TMEM132B: variants seen among roughly 807,000 people sequenced by gnomAD.
The protein encoded by TMEM132B is transmembrane protein 132B.
A neutral mutation model predicts 90.8 loss-of-function variants in TMEM132B; 18 were observed. The ratio of observed to expected loss-of-function variants is 0.20; its 90% CI spans 0.14 to 0.29. The LOEUF is 0.29. TMEM132B is among the 10% of genes least tolerant of loss of function. The probability of loss-of-function intolerance (pLI) is 1.00; values close to 1 mark genes in which losing one functional copy is unlikely to be tolerated. For missense variants in TMEM132B, 1,096 were observed against 1,326.8 expected, an observed-to-expected ratio of 0.83 and a Z score of 2.70; for synonymous variants, 504 against 523.3, an observed-to-expected ratio of 0.96 and a Z score of 0.50.
At chr12:125,295,328 G>A (rs1172310946) in intron 1 of TMEM132B, among the ~76,000 whole-genome samples, 1 of 152,182 alleles carries the variant, frequency 6.6e-6, no homozygotes, top group African/African-American at 2.4e-5. Flanking sequence ...TCGAGGGAAG[G>A]TCTGTGAGCG....
chr12:125,652,434 T>G lies in TMEM132B; in HGVS notation c.1915-7T>G. The stretch of plus-strand genomic sequence containing the variant: ...GAGATGCATGAGTCTCCTCGCTGAC[T>G]TTTCAGGTCCTCTCGCCGTTGTCTG... On this transcript the variant is annotated splice_region_variant and splice_polypyrimidine_tract_variant and intron_variant, in intron 7 of 8. Transcript: ENST00000682704. The G allele has an allele frequency of 6.3e-7, 1 of 1,588,890 alleles. No individual in the cohort carries two copies. Among genetic ancestry groups the G allele is most frequent in the Middle Eastern group, 1.8e-4 (1 of 5,532 alleles).
chr12:125,348,369 C>T (rs1314551863), intron 1 of TMEM132B, among the ~76,000 whole-genome samples: 2 of 152,154 alleles, frequency 1.3e-5, no homozygotes, highest in Non-Finnish European at 1.5e-5. Context: ...TTCTGTCGCC[C>T]AGATTGGAGT....
chr12:125,449,127 C>T (rs867114174), intron 3 of TMEM132B, among the ~76,000 whole-genome samples: 26 of 152,058 alleles, frequency 1.7e-4, no homozygotes, highest in Non-Finnish European at 2.2e-4. Flanking sequence ...CCATCATGCC[C>T]GGCTAAATTT....
chr12:125,540,220 C>T (rs1485739504), intron 4 of TMEM132B, among the ~76,000 whole-genome samples: 1 of 152,062 alleles, frequency 6.6e-6, no homozygotes, highest in Non-Finnish European at 1.5e-5. Context: ...TTAAGACTAG[C>T]TTTATGGTGT....
At chr12:125,623,989 G>C (rs1357420385) in intron 5 of TMEM132B, among the ~76,000 whole-genome samples, 2 of 152,220 alleles carry the variant, frequency 1.3e-5, no homozygotes. Context: ...TGTTGAATGA[G>C]ATGGAAAGAG....
At chr12:125,373,115 G>C (rs562476520) in intron 2 of TMEM132B, among the ~76,000 whole-genome samples, 1 of 152,318 alleles carries the variant, frequency 6.6e-6, no homozygotes, top group African/African-American at 2.4e-5. Flanking sequence ...TTTGTCATCT[G>C]TTTCCCCCAC....
intron 4 of TMEM132B, among the ~76,000 whole-genome samples, chr12:125,576,988 G>A (rs1884956688): frequency 6.7e-6 from 1 of 150,198 alleles, no homozygotes; most frequent in Non-Finnish European, 1.5e-5. Flanking sequence ...TTAAATTAGG[G>A]TAATACTGGC....
chr12:125,461,799 C>A (rs535378124), intron 3 of TMEM132B, among the ~76,000 whole-genome samples: 2 of 152,226 alleles, frequency 1.3e-5, no homozygotes, highest in Non-Finnish European at 2.9e-5. Context: ...CCGGCGCTGC[C>A]AGGCCACCCT....
rs1053653271 is a variant in TMEM132B, at chr12:125,189,525, G to T, written c.67+2659G>T. Among the ~76,000 whole-genome samples, 3 of 126,016 alleles carry T rather than the reference G, an allele frequency of 2.4e-5. No homozygotes were observed. The South Asian group carries it at 7.4e-4, about 31-fold the overall frequency. The allele number at this position is 126,016 out of a possible 152,430, so 82.7% of individuals were successfully genotyped here. ...GTGGTATATTTCTCATTACAATAGTGATGGGGGGGGTGCCTGTGTGTGGCG... is the reference window on the plus strand; with the variant it reads ...GTGGTATATTTCTCATTACAATAGTTATGGGGGGGGTGCCTGTGTGTGGCG... On this transcript the variant is annotated intron_variant, in intron 1 of 8. Transcript: ENST00000682704.
At chr12:125,525,355 T>C (rs1396434608) in intron 4 of TMEM132B, among the ~76,000 whole-genome samples, 1 of 152,212 alleles carries the variant, frequency 6.6e-6, no homozygotes, top group East Asian at 1.9e-4. Flanking sequence ...TGAGGCCTTT[T>C]GGAAAGTGAT....
chr12:125,574,555 T>C (rs993442034), intron 4 of TMEM132B, among the ~76,000 whole-genome samples: 4 of 152,120 alleles, frequency 2.6e-5, no homozygotes, highest in Non-Finnish European at 5.9e-5. Context: ...AACAGAACTA[T>C]TGTCACGTAA....
chr12:125,280,046 G>C (rs991336667), intron 1 of TMEM132B, among the ~76,000 whole-genome samples: 1 of 152,124 alleles, frequency 6.6e-6, no homozygotes, highest in Non-Finnish European at 1.5e-5. Flanking sequence ...ACAGAGAGAG[G>C]AAGTGACCTG....
Position 125,212,392 on chromosome 12 carries a change from G to A in TMEM132B, c.67+25526G>A, listed in dbSNP as rs113190748. On this transcript the variant is annotated intron_variant, in intron 1 of 8. Coordinates refer to ENST00000682704, the MANE Select transcript of TMEM132B (RefSeq NM_001366854.1). The stretch of plus-strand genomic sequence containing the variant: ...GGGTCTTGCTATATTGCACAGTCTG[G>A]TCTCAAATTCCTGGGCTTGGCCGGG... Among the ~76,000 whole-genome samples the A allele has an allele frequency of 5.3e-5, 8 of 151,944 alleles. 1 individual carries two copies. The highest frequency in any genetic ancestry group is 2.0e-4 in the Admixed American group (3 of 15,248).
intron 1 of TMEM132B, among the ~76,000 whole-genome samples, chr12:125,298,114 G>A (rs944297342): frequency 6.6e-6 from 1 of 152,066 alleles, no homozygotes; most frequent in East Asian, 1.9e-4. Flanking sequence ...AAATCAGTTG[G>A]GCAAGGTGGC....
intron 5 of TMEM132B, among the ~76,000 whole-genome samples, chr12:125,625,987 A>C (rs1190201102): frequency 6.6e-6 from 1 of 152,168 alleles, no homozygotes; most frequent in African/African-American, 2.4e-5. Flanking sequence ...TTTGCCAGTA[A>C]AATATGGTTG....
At chr12:125,189,480 C>T (rs1957782805) in intron 1 of TMEM132B, among the ~76,000 whole-genome samples, 1 of 152,042 alleles carries the variant, frequency 6.6e-6, no homozygotes, top group African/African-American at 2.4e-5. Context: ...TTCCTCCTGC[C>T]TGGCACCTTG....
intron 5 of TMEM132B, among the ~76,000 whole-genome samples, chr12:125,622,988 T>C (rs1221614211): frequency 1.3e-5 from 2 of 152,224 alleles, no homozygotes; most frequent in Non-Finnish European, 2.9e-5. Context: ...TTTCTTTGAC[T>C]AATTTATGTA....
At chr12:125,360,325 A>G in intron 2 of TMEM132B, among the ~76,000 whole-genome samples, 1 of 152,256 alleles carries the variant, frequency 6.6e-6, no homozygotes, top group East Asian at 1.9e-4. Context: ...TATATAAGTT[A>G]TAAAGTAAAA....
chr12:125,628,697 A>G (rs970166154), intron 5 of TMEM132B, among the ~76,000 whole-genome samples: 4 of 152,058 alleles, frequency 2.6e-5, no homozygotes, highest in African/African-American at 7.2e-5. Context: ...CTATGCTTGT[A>G]GGATAATATT....
Sources: allele counts gnomAD v4.1 joint callset (sites outside exome capture counted in the v4.1 genomes callset), GRCh38; gene constraint gnomAD v4.1.1; transcripts MANE v1.5; gene names NCBI Gene and HGNC (gene_info 2026-07-23, HGNC 2026-07-21).